Variants in CPD observed in about 807,000 individuals in gnomAD.
CPD encodes carboxypeptidase D.
In CPD, 69 loss-of-function variants were observed where a neutral mutation model predicts 138.3. The ratio of observed to expected loss-of-function variants is 0.50; its 90% confidence interval spans 0.41 to 0.61. CPD has a LOEUF of 0.61. Ranked by LOEUF, CPD falls within the 20% of genes least tolerant of loss-of-function variation. The probability of loss-of-function intolerance (pLI) is 0.00; values close to 1 mark genes in which losing one functional copy is unlikely to be tolerated. For synonymous variants in CPD, 651 were observed against 642.1 expected (o/e 1.01, Z -0.21); for missense variants, 1,432 against 1,733.3 (o/e 0.83, Z 3.09).
chr17:30,455,142 C>A lies in CPD; in HGVS notation c.3206-197C>A, dbSNP rs1913261255. ...ATTAGTATATACACATCCTGAAGTA[C>A]ATAATAAAACTCAGACTAACCTACC... is the stretch of plus-strand genomic sequence containing the variant. On this transcript the variant is annotated intron_variant, in intron 14 of 20. Coordinates refer to ENST00000225719, the MANE Select transcript of CPD (RefSeq NM_001304.5). The A allele has an allele frequency of 1.9e-5, 10 of 529,026 alleles. No homozygotes were observed. The South Asian group carries it at 2.2e-4, about 12-fold the overall frequency. The allele number at this position is 529,026 out of a possible 1,614,324, so 32.8% of individuals were successfully genotyped here. A position where few individuals can be genotyped will look rare whatever the true frequency, so the allele number is the denominator to read the frequency against.
chr17:30,409,780 T>G (rs1911911036), intron 2 of CPD, among the ~76,000 whole-genome samples: 1 of 152,216 alleles, frequency 6.6e-6, no homozygotes. Flanking sequence ...AGTCTATCAA[T>G]TCTGTTGATC....
At chr17:30,448,011 CT>C (rs1913073679) in intron 12 of CPD, among the ~76,000 whole-genome samples, 1 of 152,106 alleles carries the variant, frequency 6.6e-6, no homozygotes, top group African/African-American at 2.4e-5. Flanking sequence ...TTCATGGGTC[CT>C]TTTAATTTCA....
intron 2 of CPD, among the ~76,000 whole-genome samples, chr17:30,390,236 T>G (rs1175813282): frequency 6.6e-6 from 1 of 152,128 alleles, no homozygotes; most frequent in African/African-American, 2.4e-5. Flanking sequence ...AGGCTGGTCT[T>G]GAATTCCTGG....
chr17:30,408,517 T>C (rs1047629093), intron 2 of CPD, among the ~76,000 whole-genome samples: 2 of 152,104 alleles, frequency 1.3e-5, no homozygotes, highest in Non-Finnish European at 2.9e-5. Flanking sequence ...TGAAAAGGTC[T>C]TTCACATCCC....
At chr17:30,427,900 C>T (rs995610972) in intron 7 of CPD, among the ~76,000 whole-genome samples, 6 of 151,308 alleles carry the variant, frequency 4.0e-5, no homozygotes, top group African/African-American at 1.5e-4. Context: ...TTTCTCCTCT[C>T]CTCTCCTTCT....
intron 8 of CPD, among the ~76,000 whole-genome samples, chr17:30,437,074 C>G (rs1912722791): frequency 1.3e-5 from 2 of 151,372 alleles, no homozygotes; most frequent in African/African-American, 4.9e-5. Context: ...GTAGGCAAAC[C>G]CATAGAGACA....
intron 3 of CPD, among the ~76,000 whole-genome samples, chr17:30,421,267 A>G (rs1188104336): frequency 6.6e-6 from 1 of 152,064 alleles, no homozygotes; most frequent in East Asian, 1.9e-4. Context: ...CCAAATTTGT[A>G]CTCTCAGGTT....
intron 2 of CPD, among the ~76,000 whole-genome samples, chr17:30,399,318 T>C (rs1471803574): frequency 6.6e-6 from 1 of 152,118 alleles, no homozygotes; most frequent in African/African-American, 2.4e-5. Flanking sequence ...AGTATAAATA[T>C]CATTTATAGA....
At position 30,419,465 on chromosome 17, in the gene CPD, G is replaced by T. The variant is rs188977249; in HGVS notation, c.995-1376G>T. On this transcript the variant is annotated intron_variant, in intron 2 of 20. Transcript: ENST00000225719. ...AGCGATTCTTCTGCCTCAGCCTCCC[G>T]AGTAGCTGGGACTACAGGCACGTGC... is the stretch of plus-strand genomic sequence containing the variant. Among the ~76,000 whole-genome samples the T allele has an allele frequency of 5.9e-5, 9 of 152,178 alleles. 1 individual carries two copies. Among genetic ancestry groups the T allele is most frequent in the African/African-American group, 2.2e-4 (9 of 41,512 alleles).
chr17:30,401,282 C>T (rs1455063823), intron 2 of CPD, among the ~76,000 whole-genome samples: 2 of 151,754 alleles, frequency 1.3e-5, no homozygotes, highest in South Asian at 2.1e-4. Flanking sequence ...CTTCTTCCTT[C>T]TCCTCCTCTT....
intron 11 of CPD, among the ~76,000 whole-genome samples, chr17:30,444,502 T>C (rs1912974423): frequency 6.6e-6 from 1 of 151,194 alleles, no homozygotes; most frequent in Non-Finnish European, 1.5e-5. Context: ...GCAGTCTATT[T>C]AACATGCTAG....
In CPD at chr17:30,464,697, T is replaced by A; in HGVS notation, c.4026T>A (p.Asp1342Glu). 2 of 1,614,020 alleles carry A rather than the reference T, an allele frequency of 1.2e-6. No homozygotes were observed. The highest frequency in any genetic ancestry group is 1.7e-6 in the Non-Finnish European group (2 of 1,179,922). ...TTCATCGGCTCAGGCAGCATCATGA[T>A]GAGTATGAAGATGAAATTCGCATGA... The part of the protein sequence containing the change: ...DGFHRLRQHH[D>E]EYEDEIRMMS... Residue 1342 changes from aspartate (D) to glutamate (E), a missense_variant, in exon 21 of 21, where the codon GAT becomes GAA. This residue lies in a region of CPD where 366 missense variants were observed against 518.8 expected (regional missense o/e 0.71). Transcript: ENST00000225719.
intron 8 of CPD, among the ~76,000 whole-genome samples, chr17:30,433,268 T>C (rs1404151966): frequency 6.6e-6 from 1 of 152,204 alleles, no homozygotes; most frequent in Non-Finnish European, 1.5e-5. Flanking sequence ...TAAGAGAATG[T>C]ATAGTGTCCC....
chr17:30,424,275 A>C (rs936494374), intron 6 of CPD, among the ~76,000 whole-genome samples: 1 of 152,232 alleles, frequency 6.6e-6, no homozygotes, highest in African/African-American at 2.4e-5. Flanking sequence ...GATCATGCAG[A>C]TGAAGCCTCC....
chr17:30,426,864 A>G (rs1912425110), intron 6 of CPD, among the ~76,000 whole-genome samples: 1 of 152,128 alleles, frequency 6.6e-6, no homozygotes, highest in Non-Finnish European at 1.5e-5. Flanking sequence ...GGAATGACCA[A>G]GGACAGCTTG....
chr17:30,393,674 G>T (rs1026840250), intron 2 of CPD, among the ~76,000 whole-genome samples: 2 of 152,156 alleles, frequency 1.3e-5, no homozygotes, highest in Admixed American at 6.5e-5. Context: ...TAATGAACGC[G>T]TACAGAATAC....
chr17:30,415,972 G>A (rs186402424), intron 2 of CPD, among the ~76,000 whole-genome samples: 24 of 152,294 alleles, frequency 1.6e-4, no homozygotes, highest in Non-Finnish European at 3.2e-4. Context: ...TGGTTGCCAA[G>A]AGCCGGGGAG....
chr17:30,458,287 CCTATT>C (rs1169930737), intron 17 of CPD, among the ~76,000 whole-genome samples: 4 of 152,110 alleles, frequency 2.6e-5, no homozygotes, highest in African/African-American at 9.7e-5. Context: ...AGTATTTTCT[CCTATT>C]CTTTAGGTTA....
rs563283668 is a variant in CPD at position 30,456,596 on chromosome 17, C to T, written c.3498+70C>T. ...CAATGCCGTATGTGTAAACCCAGTGCTTTGGGAGGCCAAGGCAGGTGGATT... is the reference window on the plus strand; with the variant it reads ...CAATGCCGTATGTGTAAACCCAGTGTTTTGGGAGGCCAAGGCAGGTGGATT... On this transcript the variant is annotated intron_variant, in intron 17 of 20. Transcript: ENST00000225719. 2.2e-5 allele frequency: 32 copies of T among 1,471,772 alleles called. No homozygotes were observed. The East Asian group carries it at 6.6e-4, about 30-fold the overall frequency. 91.2% of individuals were successfully genotyped at this position (1,471,772 alleles called of 1,614,324 possible). A position where few individuals can be genotyped will look rare whatever the true frequency, so the allele number is the denominator to read the frequency against.
Sources: gnomAD v4.1 joint callset for allele counts (sites outside exome capture counted in the v4.1 genomes callset) on GRCh38, gnomAD v4.1.1 for gene constraint, gnomAD v4.1.1 regional missense constraint, MANE v1.5 for transcripts, NCBI Gene and HGNC (gene_info 2026-07-23, HGNC 2026-07-21) for gene names.